Variants in PROS1 observed in about 807,000 individuals in gnomAD.
PROS1 encodes the protein protein S, also known as vitamin K-dependent protein S.
Under a neutral mutation model 75.9 loss-of-function variants are expected in PROS1, and 29 were observed. The ratio of observed to expected loss-of-function variants is 0.38; its 90% CI spans 0.28 to 0.52. The LOEUF is 0.52. PROS1 is among the 20% of genes least tolerant of loss of function. PROS1 has a pLI of 0.83. For synonymous variants in PROS1, 245 were observed against 280.6 expected, an observed-to-expected ratio of 0.87 and a Z score of 1.27; for missense variants, 680 against 810.3, an observed-to-expected ratio of 0.84 and a Z score of 1.95.
chr3:93,899,191 T>C (rs1377773567), intron 7 of PROS1, among the ~76,000 whole-genome samples: 1 of 151,880 alleles, frequency 6.6e-6, no homozygotes, highest in African/African-American at 2.4e-5. Context: ...TAATCTCCCA[T>C]ATTATGAAAT....
intron 6 of PROS1, among the ~76,000 whole-genome samples, chr3:93,901,947 ACT>A (rs1449688154): frequency 1.3e-5 from 2 of 152,040 alleles, no homozygotes; most frequent in South Asian, 2.1e-4. Context: ...AGAGCTAAAA[ACT>A]CTATGTTTTT....
chr3:93,919,924 A>T (rs982474094), intron 3 of PROS1, among the ~76,000 whole-genome samples: 12 of 152,264 alleles, frequency 7.9e-5, no homozygotes, highest in Admixed American at 7.8e-4. Flanking sequence ...GTTCAGTTTC[A>T]TGTTCTGAAA....
intron 1 of PROS1, among the ~76,000 whole-genome samples, chr3:93,949,815 G>A (rs1182338435): frequency 6.6e-6 from 1 of 152,184 alleles, no homozygotes; most frequent in African/African-American, 2.4e-5. Flanking sequence ...TGAGGTACCG[G>A]GTTCATGTCA....
intron 4 of PROS1, 98 bp from the exon 5 acceptor site, chr3:93,906,241 GA>G (rs1170921536): frequency 5.0e-5 from 64 of 1,281,504 alleles, no homozygotes; most frequent in South Asian, 5.7e-5. Flanking sequence ...TAGAACCAAT[GA>G]AAAAAAAACA....
At chr3:93,917,339 G>A (rs1308198396) in intron 3 of PROS1, among the ~76,000 whole-genome samples, 21 of 152,060 alleles carry the variant, frequency 1.4e-4, no homozygotes, top group Middle Eastern at 3.4e-3. Flanking sequence ...AGTCTCTGTC[G>A]CCCAGGCTGG....
At chr3:93,905,206 C>G (rs1708655037) in intron 6 of PROS1, among the ~76,000 whole-genome samples, 1 of 152,222 alleles carries the variant, frequency 6.6e-6, no homozygotes, top group African/African-American at 2.4e-5. Context: ...CATGCAAAGA[C>G]TTGCATTGAA....
intron 7 of PROS1, among the ~76,000 whole-genome samples, 174 bp from the exon 8 acceptor site, chr3:93,898,743 A>G (rs1708541097): frequency 6.6e-6 from 1 of 152,164 alleles, no homozygotes; most frequent in Non-Finnish European, 1.5e-5. Flanking sequence ...ATGGAAATTT[A>G]AACGAGTTAC....
chr3:93,905,555 T>C (rs1326867075), intron 6 of PROS1, among the ~76,000 whole-genome samples: 1 of 152,152 alleles, frequency 6.6e-6, no homozygotes, highest in Non-Finnish European at 1.5e-5. Flanking sequence ...CAGTGAGCCA[T>C]GATGGAGCCA....
At chr3:93,904,030 T>C (rs1412276979) in intron 6 of PROS1, among the ~76,000 whole-genome samples, 1 of 147,566 alleles carries the variant, frequency 6.8e-6, no homozygotes, top group African/African-American at 2.5e-5. Context: ...GTGATCTCAT[T>C]GTTCAATTCC....
chr3:93,967,536 T>C (rs916899034), intron 1 of PROS1, among the ~76,000 whole-genome samples: 6 of 152,192 alleles, frequency 3.9e-5, no homozygotes, highest in East Asian at 3.8e-4. Flanking sequence ...CACAACACTA[T>C]CTTTCAAAAT....
intron 1 of PROS1, among the ~76,000 whole-genome samples, chr3:93,940,213 G>A (rs568423407): frequency 1.3e-5 from 2 of 152,250 alleles, no homozygotes; most frequent in South Asian, 4.1e-4. Flanking sequence ...AGAGCCCCTG[G>A]AACTCTGGCC....
chr3:93,913,872 A>G (rs543626883), intron 3 of PROS1, among the ~76,000 whole-genome samples: 8 of 152,354 alleles, frequency 5.3e-5, no homozygotes, highest in Admixed American at 3.3e-4. Context: ...CCAAAATGCA[A>G]TGAGATAAGC....
rs559166679 is a variant in PROS1, at chr3:93,916,387, G to A, written c.260-5682C>T. 1.1e-4 allele frequency among the ~76,000 whole-genome samples: 17 copies of A among 152,276 alleles called. No homozygotes were observed. The South Asian group carries it at 3.3e-3, about 30-fold the overall frequency. The stretch of plus-strand genomic sequence containing the variant: ...CTGAGGCTGGAGACCCAAGTGAAAT[G>A]TTTCATATGAGTTTAGAACCCCAGG... On this transcript the variant is annotated intron_variant, in intron 3 of 14. Transcript: ENST00000394236.
chr3:93,953,482 G>A (rs372932757), intron 1 of PROS1, among the ~76,000 whole-genome samples: 32 of 151,664 alleles, frequency 2.1e-4, no homozygotes, highest in Non-Finnish European at 4.1e-4. Context: ...CAAAAACCAC[G>A]ATTATATCAA....
chr3:93,925,840 A>C (rs1027736892), intron 2 of PROS1, among the ~76,000 whole-genome samples: 2 of 149,820 alleles, frequency 1.3e-5, no homozygotes, highest in African/African-American at 4.9e-5. Context: ...AAAAAAAAAA[A>C]GTAACTTTTT....
At chr3:93,894,870 G>A (rs1398646879) in intron 9 of PROS1, among the ~76,000 whole-genome samples, 2 of 152,066 alleles carry the variant, frequency 1.3e-5, no homozygotes, top group Admixed American at 6.6e-5. Context: ...TCAATGAAAA[G>A]TTTAAAATAA....
intron 3 of PROS1, among the ~76,000 whole-genome samples, chr3:93,920,920 T>C (rs1368687925): frequency 6.6e-6 from 1 of 152,208 alleles, no homozygotes; most frequent in East Asian, 1.9e-4. Flanking sequence ...ATTTGGAAGA[T>C]TAATTATATG....
At chr3:93,904,064 TGTTTG>T (rs1708637513) in intron 6 of PROS1, among the ~76,000 whole-genome samples, 1 of 149,736 alleles carries the variant, frequency 6.7e-6, no homozygotes, top group African/African-American at 2.5e-5. Context: ...GAATATGCGG[TGTTTG>T]GTTTTTTGTT....
intron 12 of PROS1, among the ~76,000 whole-genome samples, chr3:93,879,936 C>T (rs570985160): frequency 2.0e-5 from 3 of 152,220 alleles, no homozygotes; most frequent in South Asian, 4.1e-4. Context: ...AGGTATATAT[C>T]TCTATCATTG....
Sources: allele counts gnomAD v4.1 joint callset (sites outside exome capture counted in the v4.1 genomes callset), GRCh38; gene constraint gnomAD v4.1.1; transcripts MANE v1.5; gene names NCBI Gene and HGNC (gene_info 2026-07-23, HGNC 2026-07-21).